The following ARPC4 variants were observed in gnomAD, a reference collection of about 807,000 sequenced individuals.
ARPC4 encodes actin related protein 2/3 complex subunit 4, also known as actin-related protein 2/3 complex subunit 4.
In ARPC4, 3 loss-of-function variants were observed where a neutral mutation model predicts 22.8. That is an observed-to-expected ratio of 0.13 (90% CI 0.06 to 0.34). ARPC4 has a LOEUF of 0.34. Among genes scored for constraint, ARPC4 ranks in the 10% least tolerant of loss-of-function variants. The probability of loss-of-function intolerance (pLI) is 1.00; values close to 1 mark genes in which losing one functional copy is unlikely to be tolerated. For missense variants in ARPC4, 98 were observed against 211.0 expected, an observed-to-expected ratio of 0.46 and a Z score of 3.32; for synonymous variants, 80 against 72.5, an observed-to-expected ratio of 1.10 and a Z score of -0.52.
At chr3:9,805,439 C>G (rs778339521) in intron 5 of ARPC4, among the ~76,000 whole-genome samples, 1 of 152,196 alleles carries the variant, frequency 6.6e-6, no homozygotes, top group Non-Finnish European at 1.5e-5. Flanking sequence ...GTCACAAATT[C>G]AGGTGCATCC....
At chr3:9,801,965 G>C (rs1206704151) in intron 4 of ARPC4, among the ~76,000 whole-genome samples, 1 of 152,144 alleles carries the variant, frequency 6.6e-6, no homozygotes, top group Non-Finnish European at 1.5e-5. Flanking sequence ...AAAGAGCCGG[G>C]CGTGGTGGCT....
intron 3 of ARPC4, among the ~76,000 whole-genome samples, chr3:9,800,985 TG>T (rs2078995360): frequency 6.6e-6 from 1 of 150,928 alleles, no homozygotes; most frequent in Non-Finnish European, 1.5e-5. Context: ...CCAAGGCGGG[TG>T]GATCACTTGA....
chr3:9,804,411 C>T (rs1248000265), intron 5 of ARPC4, among the ~76,000 whole-genome samples: 1 of 152,214 alleles, frequency 6.6e-6, no homozygotes, highest in Non-Finnish European at 1.5e-5. Context: ...AAATAGACTT[C>T]AGTACTTTCC....
rs183073514 is a variant in ARPC4, at chr3:9,806,449, G to A, written c.*234G>A. The A allele has an allele frequency of 6.1e-5, 36 of 590,652 alleles. No individual in the cohort carries two copies. The highest frequency in any genetic ancestry group is 4.5e-4 in the Middle Eastern group (1 of 2,220). The allele number at this position is 590,652 out of a possible 1,614,324, so 36.6% of individuals were successfully genotyped here. On this transcript the variant is annotated 3_prime_UTR_variant, in exon 6 of 6. Coordinates refer to ENST00000397261, the MANE Select transcript of ARPC4 (RefSeq NM_005718.5). ...CTTCTGATGTTCAGTCCCCTGGGCC[G>A]GGACAGATTTTTTTTAACGTCTTGA... is the stretch of plus-strand genomic sequence containing the variant.
rs767431441 is a variant in ARPC4, at chr3:9,800,165, C to T, written c.123-20C>T. 6.2e-6 allele frequency: 10 copies of T among 1,612,938 alleles called. No individual in the cohort carries two copies. In the Admixed American group the frequency reaches 1.3e-4, roughly 22 times the overall value. On this transcript the variant is annotated intron_variant, in intron 2 of 5. Transcript: ENST00000397261. ...TCTATCCCTCTGTAGTACAAGTACT[C>T]TGTCACATTATGTTTTCAGGAGTAG...
intron 2 of ARPC4, among the ~76,000 whole-genome samples, chr3:9,798,599 G>C (rs910068464): frequency 3.3e-5 from 5 of 151,792 alleles, no homozygotes; most frequent in Non-Finnish European, 5.9e-5. Context: ...AAATAGGCCG[G>C]GCACAGTGGC....
intron 4 of ARPC4, 71 bp from the exon 5 acceptor site, chr3:9,803,772 G>A: frequency 6.7e-7 from 1 of 1,494,492 alleles, no homozygotes; most frequent in Non-Finnish European, 9.2e-7. Flanking sequence ...GACATGACCA[G>A]CTCAGTTCCC....
rs1278189312 is a variant in ARPC4, at chr3:9,806,212, T to C, written c.504T>C (p.Phe168=). The C allele has an allele frequency of 1.4e-5, 22 of 1,613,816 alleles. No individual in the cohort carries two copies. The highest frequency in any genetic ancestry group is 1.6e-5 in the Non-Finnish European group (19 of 1,179,812). Residue 168 remains phenylalanine (F), a splice_region_variant and synonymous_variant, in exon 6 of 6, where the codon TTT becomes TTC. Transcript: ENST00000397261. ...CTGCCTCTTGGTTCTCTTGACAGTT[T>C]TAAACCATCTGGCTGGATCTCGTGG... is the stretch of plus-strand genomic sequence containing the variant. ...RIVAEEFLKN[F]
At chr3:9,799,389 A>G (rs577890598) in intron 2 of ARPC4, among the ~76,000 whole-genome samples, 1 of 152,236 alleles carries the variant, frequency 6.6e-6, no homozygotes, top group South Asian at 2.1e-4. Flanking sequence ...TCCAAATCCA[A>G]AATGCTCCAA....
chr3:9,792,788 G>A (rs750853249), upstream of ARPC4: 28 of 1,262,558 alleles, frequency 2.2e-5, no homozygotes, highest in South Asian at 6.9e-4. Flanking sequence ...CTAATTTGGT[G>A]CCCAATCTGA....
At chr3:9,804,913 G>A (rs2079078396) in intron 5 of ARPC4, among the ~76,000 whole-genome samples, 2 of 152,198 alleles carry the variant, frequency 1.3e-5, no homozygotes, top group Non-Finnish European at 2.9e-5. Context: ...AGGCTCCACC[G>A]CCTACTCAGG....
At chr3:9,797,877 A>G (rs1406600496) in intron 2 of ARPC4, 100 bp downstream of exon 2, 20 of 1,217,960 alleles carry the variant, frequency 1.6e-5, no homozygotes. Context: ...GTAGTCAGGA[A>G]AGCTGCAGTT....
intron 5 of ARPC4, among the ~76,000 whole-genome samples, chr3:9,805,510 G>C (rs921618008): frequency 8.5e-5 from 13 of 152,196 alleles, no homozygotes; most frequent in Admixed American, 8.5e-4. Flanking sequence ...GAGCTGCTGA[G>C]CGCATGCCTC....
chr3:9,800,124 G>A, intron 2 of ARPC4, 61 bp from the exon 3 acceptor site: 2 of 1,559,408 alleles, frequency 1.3e-6, no homozygotes, highest in Non-Finnish European at 1.8e-6. Flanking sequence ...GACCTGCGTG[G>A]GGTCACTCTG....
chr3:9,803,639 A>T (rs192192316), intron 4 of ARPC4: 32 of 734,854 alleles, frequency 4.4e-5, no homozygotes, highest in Non-Finnish European at 2.5e-6. Flanking sequence ...AGAATTCTCA[A>T]CGGGGTTCAG....
chr3:9,803,777 G>T (rs911084954), intron 4 of ARPC4, 66 bp from the exon 5 acceptor site: 1 of 1,525,192 alleles, frequency 6.6e-7, no homozygotes, highest in African/African-American at 1.4e-5. Flanking sequence ...GACCAGCTCA[G>T]TTCCCATGGG....
At chr3:9,803,455 C>G (rs573622321) in intron 4 of ARPC4, 11 of 459,640 alleles carry the variant, frequency 2.4e-5, no homozygotes, top group African/African-American at 2.0e-4. Flanking sequence ...CCACAGCCCT[C>G]CAGCAGAAAA....
At chr3:9,803,121 G>A (rs1007550148) in intron 4 of ARPC4, among the ~76,000 whole-genome samples, 2 of 152,114 alleles carry the variant, frequency 1.3e-5, no homozygotes, top group African/African-American at 4.8e-5. Context: ...CTGACCTTGT[G>A]ATCCGCCCAC....
At chr3:9,802,091 TAGCTGGGC>T (rs973480412) in intron 4 of ARPC4, among the ~76,000 whole-genome samples, 2 of 151,086 alleles carry the variant, frequency 1.3e-5, no homozygotes, top group African/African-American at 4.9e-5. Flanking sequence ...ATACAAAAAT[TAGCTGGGC>T]ATGGTGGTGG....
Sources: allele counts gnomAD v4.1 joint callset (sites outside exome capture counted in the v4.1 genomes callset), GRCh38; gene constraint gnomAD v4.1.1; transcripts MANE v1.5; gene names NCBI Gene and HGNC (gene_info 2026-07-23, HGNC 2026-07-21).